The following MED14 variants were observed in gnomAD, a reference collection of about 807,000 sequenced individuals.
The protein encoded by MED14 is mediator complex subunit 14.
A neutral mutation model predicts 109.0 loss-of-function variants in MED14; 8 were observed. The ratio of observed to expected loss-of-function variants is 0.07; its 90% confidence interval spans 0.04 to 0.13. The LOEUF (loss-of-function observed/expected upper bound fraction) is 0.13, where lower values mean the gene tolerates loss of function less well. MED14 is among the 10% of genes least tolerant of loss of function. The pLI is 1.00. For synonymous variants in MED14, 399 were observed against 408.7 expected (o/e 0.98, Z 0.29); for missense variants, 711 against 1,142.4 (o/e 0.62, Z 5.44).
At chrX:40,664,190 A>G in intron 25 of MED14, 117 bp downstream of exon 25, 1 of 646,388 alleles carries the variant, frequency 1.5e-6, no homozygotes, top group Non-Finnish European at 2.3e-6. Flanking sequence ...CCTTTGTAAT[A>G]TCCTTTAAGT....
At chrX:40,667,817 A>G (rs970602174) in intron 23 of MED14, among the ~76,000 whole-genome samples, 3 of 111,916 alleles carry the variant, frequency 2.7e-5, no homozygotes, top group African/African-American at 9.8e-5. Flanking sequence ...TATGGTAGTG[A>G]AAAGTGGTTG....
intron 21 of MED14, among the ~76,000 whole-genome samples, chrX:40,676,494 T>C (rs1384737536): frequency 8.9e-6 from 1 of 111,838 alleles, no homozygotes; most frequent in Non-Finnish European, 1.9e-5. Context: ...TGTGAGAAAG[T>C]TGTATCCTAA....
chrX:40,684,629 C>T (rs1231473830), intron 16 of MED14, among the ~76,000 whole-genome samples: 1 of 112,140 alleles, frequency 8.9e-6, no homozygotes, highest in Non-Finnish European at 1.9e-5. Flanking sequence ...TAGCCCTCTC[C>T]GTAGGAGTTA....
chrX:40,683,337 A>C (rs1172088629), intron 16 of MED14, among the ~76,000 whole-genome samples: 1 of 112,041 alleles, frequency 8.9e-6, no homozygotes, highest in Non-Finnish European at 1.9e-5. Context: ...CCAAATCCTT[A>C]TAAAACCACT....
In MED14 at chrX:40,688,469, G is replaced by A; in HGVS notation, c.2042C>T (p.Ala681Val). 8.3e-7 allele frequency: 1 copy of A among 1,203,769 alleles called. No homozygotes were observed. Among genetic ancestry groups the A allele is most frequent in the Non-Finnish European group, 1.1e-6 (1 of 888,136 alleles). The change falls in exon 16 of 31, where the codon GCA (alanine) becomes GTA (valine). Residue 681 changes from alanine to valine, a missense_variant. This residue lies in a region of MED14 where 388 missense variants were observed against 517.3 expected (regional missense o/e 0.75). Transcript: ENST00000324817. ...AGGGGCTTACTTTAATAAGCGAATTGCATGGCTGAAGCCATCACCTTCCAC... is the reference window on the plus strand; with the variant it reads ...AGGGGCTTACTTTAATAAGCGAATTACATGGCTGAAGCCATCACCTTCCAC... ...VQVEGDGFSH[A>V]IRLLKIPPCK...
At chrX:40,705,498 A>G (rs1303500747) in intron 10 of MED14, among the ~76,000 whole-genome samples, 1 of 112,197 alleles carries the variant, frequency 8.9e-6, no homozygotes, top group Non-Finnish European at 1.9e-5. Context: ...ATTTTTCTTT[A>G]CAGAAAATAA....
In MED14 at chrX:40,671,516, A is replaced by G. The variant is rs183086022; in HGVS notation, c.3133+345T>C. ...TATAAACAAGTGTGGCTTCATTCCA[A>G]TGAAACTTTATTTACAAAAACAGGT... On this transcript the variant is annotated intron_variant, in intron 23 of 30. Transcript: ENST00000324817. 2.8e-3 allele frequency among the ~76,000 whole-genome samples: 315 copies of G among 112,186 alleles called. 1 individual carries two copies. The highest frequency in any genetic ancestry group is 9.0e-3 in the Admixed American group (95 of 10,603).
At position 40,702,512 on chromosome X, in the gene MED14, A is replaced by C. The variant is rs191967175; in HGVS notation, c.1411+932T>G. 3.3e-3 allele frequency among the ~76,000 whole-genome samples: 358 copies of C among 109,532 alleles called. 2 individuals carry two copies. Among genetic ancestry groups the C allele is most frequent in the African/African-American group, 0.011 (344 of 30,051 alleles). Reference sequence around the variant, plus strand: ...CAGGCACCCGCCACCACGTCTGGCTAATTTTTTGTGTTTTTAGTAGAGACA... The same window carrying C: ...CAGGCACCCGCCACCACGTCTGGCTCATTTTTTGTGTTTTTAGTAGAGACA... On this transcript the variant is annotated intron_variant, in intron 11 of 30. Coordinates refer to ENST00000324817, the MANE Select transcript of MED14 (RefSeq NM_004229.4).
chrX:40,664,802 C>CA (rs1438464948), intron 24 of MED14, among the ~76,000 whole-genome samples: 2 of 111,713 alleles, frequency 1.8e-5, no homozygotes, highest in Non-Finnish European at 3.8e-5. Flanking sequence ...CAAACAATCT[C>CA]AGAGTTCCTT....
intron 5 of MED14, among the ~76,000 whole-genome samples, 154 bp downstream of exon 5, chrX:40,713,624 G>T (rs1349318988): frequency 8.9e-6 from 1 of 111,854 alleles, no homozygotes; most frequent in Admixed American, 9.5e-5. Flanking sequence ...TGTATTTTTA[G>T]TAGAGATGGG....
Position 40,688,540 on chromosome X carries a change from GA to G in MED14, c.1981-11del. 1 of 1,162,926 alleles carries G rather than the reference GA, an allele frequency of 8.6e-7. No individual in the cohort carries two copies. The highest frequency in any genetic ancestry group is 1.8e-5 in the South Asian group (1 of 55,657). On this transcript the variant is annotated splice_polypyrimidine_tract_variant and intron_variant, in intron 15 of 30. Transcript: ENST00000324817. The stretch of plus-strand genomic sequence containing the variant: ...TCTCCAGATTGGACAACTAGAAAGA[GA>G]AAAACAATTATATCAGACGACCAAT...
chrX:40,689,226 C>G (rs192918908), intron 15 of MED14, among the ~76,000 whole-genome samples: 2 of 111,999 alleles, frequency 1.8e-5, no homozygotes, highest in East Asian at 5.6e-4. Context: ...CTACCATGTT[C>G]TGGAAAGGAT....
upstream of MED14, chrX:40,735,603 G>A (rs774589952): frequency 3.9e-6 from 2 of 512,908 alleles, no homozygotes; most frequent in South Asian, 2.5e-5. Context: ...CCGACCCCAG[G>A]GACAGGAGCG....
Position 40,701,242 on chromosome X carries a change from G to A in MED14, c.1413C>T (p.Asp471=), listed in dbSNP as rs777211432. 69 of 1,179,286 alleles carry A rather than the reference G, an allele frequency of 5.9e-5. No homozygotes were observed. The Middle Eastern group carries it at 7.1e-4, about 12-fold the overall frequency. ...GMFQLMLYGL[D]QATLDDMEKS... is the part of the protein sequence containing the mutation. ...TCTCCATGTCATCCAGAGTGGCCTG[G>A]TCTACAGAATAAAGCACTTCATTAA... The change falls in exon 12 of 31, where the codon GAC becomes GAT. Residue 471 remains aspartate, a splice_region_variant and synonymous_variant. Transcript: ENST00000324817.
intron 23 of MED14, among the ~76,000 whole-genome samples, chrX:40,668,359 T>TACG (rs1323568342): frequency 1.3e-5 from 1 of 77,955 alleles, no homozygotes; most frequent in African/African-American, 5.3e-5. Context: ...CTCCAGCCTG[T>TACG]ACGACAGAGC....
chrX:40,695,001 C>T (rs1385050042), intron 13 of MED14, among the ~76,000 whole-genome samples: 1 of 112,228 alleles, frequency 8.9e-6, no homozygotes, highest in Non-Finnish European at 1.9e-5. Context: ...CTGTGGTACT[C>T]CCACACCATG....
intron 28 of MED14, among the ~76,000 whole-genome samples, chrX:40,656,453 G>A (rs188999363): frequency 8.9e-6 from 1 of 112,335 alleles, no homozygotes; most frequent in African/African-American, 3.2e-5. Context: ...CAAGGATGTG[G>A]GAAAAAGCCA....
At chrX:40,662,847 T>C in intron 26 of MED14, 78 bp downstream of exon 26, 1 of 756,309 alleles carries the variant, frequency 1.3e-6, no homozygotes, top group Non-Finnish European at 1.9e-6. Flanking sequence ...GTCACGTTAG[T>C]TCAGATCCTA....
In MED14 at chrX:40,650,849, CAT is replaced by C. The variant is rs748267992; in HGVS notation, c.*955_*956del. ...AGATAAAGAAAGCTCACAGAAACTTCATGCAGAGGTACAGCATTAAAGTTCTT... is the reference window on the plus strand; with the variant it reads ...AGATAAAGAAAGCTCACAGAAACTTCGCAGAGGTACAGCATTAAAGTTCTT... On this transcript the variant is annotated 3_prime_UTR_variant, in exon 31 of 31. Coordinates refer to ENST00000324817, the MANE Select transcript of MED14 (RefSeq NM_004229.4). 19 of 750,322 alleles carry C rather than the reference CAT, an allele frequency of 2.5e-5. No individual in the cohort carries two copies. In the East Asian group the frequency reaches 2.3e-3, roughly 89 times the overall value. 61.8% of individuals were successfully genotyped at this position (750,322 alleles called of 1,213,427 possible). A position where few individuals can be genotyped will look rare whatever the true frequency, so the allele number is the denominator to read the frequency against.
Sources: allele counts gnomAD v4.1 joint callset (sites outside exome capture counted in the v4.1 genomes callset), GRCh38; gene constraint gnomAD v4.1.1; regional missense constraint gnomAD v4.1.1; transcripts MANE v1.5; gene names NCBI Gene and HGNC (gene_info 2026-07-23, HGNC 2026-07-21).